Variants in CSMD1 observed in about 807,000 individuals in gnomAD.
The protein encoded by CSMD1 is CUB and Sushi multiple domains 1, also known as CUB and sushi domain-containing protein 1.
A neutral mutation model predicts 417.5 loss-of-function variants in CSMD1; 213 were observed. The observed-to-expected ratio is 0.51, with a 90% CI of 0.46 to 0.57. CSMD1 has a LOEUF of 0.57. Ranked by LOEUF, CSMD1 falls within the 20% of genes least tolerant of loss-of-function variation. The probability of loss-of-function intolerance (pLI) is 0.00; values close to 1 mark genes in which losing one functional copy is unlikely to be tolerated. For missense variants in CSMD1, 6,923 were observed against 4,529.7 expected (o/e 1.53, Z -15.17); for synonymous variants, 2,862 against 1,736.8 (o/e 1.65, Z -16.11).
Position 4,238,002 on chromosome 8 carries a change from T to G in CSMD1, c.415+181951A>C, listed in dbSNP as rs549167306. 5.9e-5 allele frequency among the ~76,000 whole-genome samples: 9 copies of G among 152,312 alleles called. No homozygotes were observed. The East Asian group carries it at 1.7e-3, about 29-fold the overall frequency. On this transcript the variant is annotated intron_variant, in intron 3 of 69. Transcript: ENST00000635120. ...GTGACAGAGGCATGCACAGGCCTAC[T>G]GGGCGGGACGAACCACATCATGTGC...
intron 2 of CSMD1, among the ~76,000 whole-genome samples, chr8:4,597,263 A>C (rs906619790): frequency 1.3e-5 from 2 of 152,178 alleles, no homozygotes; most frequent in African/African-American, 4.8e-5. Flanking sequence ...CATGCCTTTG[A>C]TTTCTAATTT....
intron 12 of CSMD1, among the ~76,000 whole-genome samples, chr8:3,438,455 C>G (rs893228955): frequency 6.6e-6 from 1 of 152,164 alleles, no homozygotes; most frequent in African/African-American, 2.4e-5. Context: ...AACTCCTGGC[C>G]ACTACTAATC....
chr8:3,963,111 T>C (rs139800574), intron 5 of CSMD1, among the ~76,000 whole-genome samples: 4 of 152,260 alleles, frequency 2.6e-5, no homozygotes, highest in Non-Finnish European at 5.9e-5. Flanking sequence ...TTGTGTTTTT[T>C]AGTAGAGACG....
chr8:3,400,216 C>T (rs529725053), intron 15 of CSMD1, among the ~76,000 whole-genome samples: 66 of 152,222 alleles, frequency 4.3e-4, no homozygotes, highest in African/African-American at 1.5e-3. Context: ...AAATAGCATA[C>T]CAATATTTCA....
intron 8 of CSMD1, among the ~76,000 whole-genome samples, chr8:3,593,970 C>G (rs756389946): frequency 1.3e-5 from 2 of 152,140 alleles, no homozygotes; most frequent in Non-Finnish European, 2.9e-5. Flanking sequence ...AAAAAGTTTT[C>G]TGGAAACGCT....
chr8:4,973,321 C>A (rs1053156439), intron 1 of CSMD1, among the ~76,000 whole-genome samples: 7 of 152,022 alleles, frequency 4.6e-5, no homozygotes, highest in Admixed American at 1.3e-4. Context: ...GACTTATAGG[C>A]GAAGTCAATA....
chr8:4,891,470 C>G (rs1469310649), intron 1 of CSMD1, among the ~76,000 whole-genome samples: 1 of 152,076 alleles, frequency 6.6e-6, no homozygotes, highest in Non-Finnish European at 1.5e-5. Flanking sequence ...CAATGTTTTT[C>G]TTAATTTGAA....
Position 3,143,194 on chromosome 8 carries a change from T to C in CSMD1, c.6032-520A>G, listed in dbSNP as rs936232641. Among the ~76,000 whole-genome samples, 17 of 152,212 alleles carry C rather than the reference T, an allele frequency of 1.1e-4. 1 individual carries two copies. The highest frequency in any genetic ancestry group is 4.6e-4 in the Admixed American group (7 of 15,284). Reference sequence around the variant, plus strand: ...TGTTTGTCTGTTTATTTTGTCTGTTTGCCTTGTCCCACAGTTCTATGCAAC... The same window carrying C: ...TGTTTGTCTGTTTATTTTGTCTGTTCGCCTTGTCCCACAGTTCTATGCAAC... On this transcript the variant is annotated intron_variant, in intron 40 of 69. Transcript: ENST00000635120.
chr8:4,138,520 A>G (rs1047327435), intron 3 of CSMD1, among the ~76,000 whole-genome samples: 7 of 152,160 alleles, frequency 4.6e-5, no homozygotes, highest in Non-Finnish European at 1.0e-4. Flanking sequence ...CTCAGGAGAC[A>G]TATTTTGAGG....
At chr8:4,320,053 C>G (rs895823993) in intron 3 of CSMD1, among the ~76,000 whole-genome samples, 2 of 152,046 alleles carry the variant, frequency 1.3e-5, no homozygotes, top group African/African-American at 4.8e-5. Flanking sequence ...GAGTAGTAAA[C>G]AAAAGACTTC....
At chr8:4,264,293 C>G (rs77764164) in intron 3 of CSMD1, among the ~76,000 whole-genome samples, 8 of 152,182 alleles carry the variant, frequency 5.3e-5, no homozygotes, top group South Asian at 4.2e-4. Context: ...CATTATTGTA[C>G]GTAGAATTTC....
At chr8:4,390,239 C>T (rs541415322) in intron 3 of CSMD1, among the ~76,000 whole-genome samples, 1 of 152,122 alleles carries the variant, frequency 6.6e-6, no homozygotes, top group Admixed American at 6.5e-5. Flanking sequence ...GTGCCTTCTT[C>T]TTGGGGAAAA....
chr8:3,568,975 T>C (rs1303122554), intron 10 of CSMD1, among the ~76,000 whole-genome samples: 2 of 152,162 alleles, frequency 1.3e-5, no homozygotes, highest in Non-Finnish European at 2.9e-5. Context: ...TATATTACTT[T>C]TTCAAGAATT....
At chr8:4,513,339 A>T (rs1313200719) in intron 2 of CSMD1, among the ~76,000 whole-genome samples, 2 of 152,162 alleles carry the variant, frequency 1.3e-5, no homozygotes, top group Non-Finnish European at 2.9e-5. Context: ...GTAAAACATA[A>T]AGCAGCAAAC....
chr8:4,100,232 C>T (rs180869707), intron 3 of CSMD1, among the ~76,000 whole-genome samples: 46 of 152,304 alleles, frequency 3.0e-4, no homozygotes, highest in African/African-American at 1.0e-3. Flanking sequence ...CTCTAGCATA[C>T]AGATGGAAAA....
chr8:4,466,976 A>G (rs796910594), intron 2 of CSMD1, among the ~76,000 whole-genome samples: 1 of 152,090 alleles, frequency 6.6e-6, no homozygotes, highest in Non-Finnish European at 1.5e-5. Flanking sequence ...CTGTAAGGAA[A>G]TGCTCAGCTG....
rs563763377 is a variant in CSMD1, at chr8:4,515,088, C to G, written c.303-95023G>C. Among the ~76,000 whole-genome samples, 25 of 152,286 alleles carry G rather than the reference C, an allele frequency of 1.6e-4. 1 individual carries two copies. In the South Asian group the frequency reaches 5.0e-3, roughly 30 times the overall value. On this transcript the variant is annotated intron_variant, in intron 2 of 69. Coordinates refer to ENST00000635120, the MANE Select transcript of CSMD1 (RefSeq NM_033225.6). ...GGCAAATGATACTTTATAATCCATT[C>G]TTTGTACGATTTACAGCAGCTCCCT...
At chr8:3,072,440 A>G (rs1312693852) in intron 49 of CSMD1, among the ~76,000 whole-genome samples, 1 of 152,228 alleles carries the variant, frequency 6.6e-6, no homozygotes, top group African/African-American at 2.4e-5. Context: ...GAATAAATCA[A>G]TATGCCAAGG....
intron 3 of CSMD1, among the ~76,000 whole-genome samples, chr8:4,041,167 C>A (rs1301776142): frequency 1.3e-5 from 2 of 151,804 alleles, no homozygotes; most frequent in Non-Finnish European, 2.9e-5. Context: ...CAGGCGCCCG[C>A]CACCACGCCC....
Sources: gnomAD v4.1 joint callset for allele counts (sites outside exome capture counted in the v4.1 genomes callset) on GRCh38, gnomAD v4.1.1 for gene constraint, MANE v1.5 for transcripts, NCBI Gene and HGNC (gene_info 2026-07-23, HGNC 2026-07-21) for gene names.